Variants in HERPUD2 observed in about 807,000 individuals in gnomAD.
HERPUD2 encodes the protein HERPUD family member 2, also known as homocysteine-responsive endoplasmic reticulum-resident ubiquitin-like domain member 2 protein.
HERPUD2 carries 13 observed loss-of-function variants against 49.9 expected under a neutral mutation model. The observed-to-expected ratio is 0.26, with a 90% CI of 0.17 to 0.41. HERPUD2 has a LOEUF of 0.41. Ranked by LOEUF, HERPUD2 falls within the 10% of genes least tolerant of loss-of-function variation. The probability of loss-of-function intolerance (pLI) is 1.00; values close to 1 mark genes in which losing one functional copy is unlikely to be tolerated. For missense variants in HERPUD2, 449 were observed against 492.2 expected, an observed-to-expected ratio of 0.91 and a Z score of 0.83; for synonymous variants, 172 against 171.4, an observed-to-expected ratio of 1.00 and a Z score of -0.03.
intron 5 of HERPUD2, among the ~76,000 whole-genome samples, chr7:35,653,796 AT>A (rs1339927710): frequency 6.6e-6 from 1 of 152,214 alleles, no homozygotes; most frequent in East Asian, 1.9e-4. Context: ...ATTAAACAAC[AT>A]GCTCCTAAAT....
intron 5 of HERPUD2, among the ~76,000 whole-genome samples, chr7:35,644,894 G>C (rs1785027254): frequency 6.6e-6 from 1 of 152,112 alleles, no homozygotes; most frequent in Non-Finnish European, 1.5e-5. Flanking sequence ...GTGAATACTA[G>C]ATGATATTGA....
intron 2 of HERPUD2, among the ~76,000 whole-genome samples, chr7:35,692,317 T>A (rs28758525): frequency 2.0e-4 from 26 of 132,514 alleles, no homozygotes; most frequent in East Asian, 1.4e-3. Flanking sequence ...TACTTTTTTT[T>A]AAAAAAGCTT....
chr7:35,668,003 T>C (rs752502373), intron 4 of HERPUD2, among the ~76,000 whole-genome samples: 65 of 152,218 alleles, frequency 4.3e-4, no homozygotes, highest in Middle Eastern at 6.8e-3. Flanking sequence ...TTTAAACAGT[T>C]ACTATGTGCC....
chr7:35,658,371 A>C (rs73340314), intron 5 of HERPUD2, among the ~76,000 whole-genome samples: 4,438 of 152,214 alleles, frequency 0.029, 194 homozygotes, highest in African/African-American at 0.099. Context: ...GGAAGATGAA[A>C]AGTTGGTTAA....
chr7:35,636,750 A>G (rs1784876752), intron 6 of HERPUD2, among the ~76,000 whole-genome samples: 1 of 152,196 alleles, frequency 6.6e-6, no homozygotes, highest in African/African-American at 2.4e-5. Context: ...AGGAAGGACA[A>G]GGATGTAGAC....
At chr7:35,665,446 C>T (rs1023237297) in intron 5 of HERPUD2, among the ~76,000 whole-genome samples, 3 of 152,200 alleles carry the variant, frequency 2.0e-5, no homozygotes, top group East Asian at 3.9e-4. Flanking sequence ...CCTGGTGAGC[C>T]GTTTGCTAAG....
chr7:35,675,086 G>C (rs1785731694), intron 2 of HERPUD2, among the ~76,000 whole-genome samples: 1 of 152,120 alleles, frequency 6.6e-6, no homozygotes, highest in Non-Finnish European at 1.5e-5. Context: ...ATATGAAGGG[G>C]GGCAGTCTTG....
At chr7:35,682,345 GTGTGTGTGTGTGTATATATATA>G (rs1562686271) in intron 2 of HERPUD2, among the ~76,000 whole-genome samples, 30 of 28,206 alleles carry the variant, frequency 1.1e-3, no homozygotes, top group African/African-American at 3.2e-3. Flanking sequence ...GTGTGTGTGT[GTGTGTGTGTGTGTATATATATA>G]TATATATATA....
At chr7:35,661,809 G>C (rs1376188908) in intron 5 of HERPUD2, among the ~76,000 whole-genome samples, 1 of 152,152 alleles carries the variant, frequency 6.6e-6, no homozygotes, top group Non-Finnish European at 1.5e-5. Flanking sequence ...ATACAATCAT[G>C]TCATCTGCAA....
intron 2 of HERPUD2, among the ~76,000 whole-genome samples, chr7:35,674,097 T>C (rs117841210): frequency 0.011 from 1,603 of 152,084 alleles, 11 homozygotes; most frequent in Non-Finnish European, 0.018. Flanking sequence ...AAGTCACAAC[T>C]ATAACAATTT....
intron 5 of HERPUD2, among the ~76,000 whole-genome samples, chr7:35,663,640 C>CCATTACATA (rs1785476717): frequency 6.6e-6 from 1 of 152,206 alleles, no homozygotes; most frequent in African/African-American, 2.4e-5. Context: ...TGAATTGATC[C>CCATTACATA]CTTTACCATT....
At chr7:35,674,378 C>CATATATATATATATATATATAT (rs1562682656) in intron 2 of HERPUD2, among the ~76,000 whole-genome samples, 19 of 34,930 alleles carry the variant, frequency 5.4e-4, no homozygotes, top group Non-Finnish European at 9.3e-4. Flanking sequence ...AGTCTTACAA[C>CATATATATATATATATATATAT]CTATATATAT....
chr7:35,670,147 G>T, intron 4 of HERPUD2, 68 bp downstream of exon 4: 1 of 690,358 alleles, frequency 1.4e-6, no homozygotes, highest in South Asian at 2.5e-5. Flanking sequence ...AGTTTTTAGA[G>T]GCAAAAAATA....
At chr7:35,672,643 T>C (rs1332426856) in intron 3 of HERPUD2, among the ~76,000 whole-genome samples, 1 of 151,996 alleles carries the variant, frequency 6.6e-6, no homozygotes, top group Non-Finnish European at 1.5e-5. Context: ...AAGTATAAAT[T>C]CCACAAATGA....
chr7:35,664,703 G>GC (rs1282106186), intron 5 of HERPUD2, among the ~76,000 whole-genome samples: 2 of 152,114 alleles, frequency 1.3e-5, no homozygotes, highest in South Asian at 2.1e-4. Context: ...GCTTGTGCAT[G>GC]CATCACGTAG....
intron 2 of HERPUD2, among the ~76,000 whole-genome samples, chr7:35,678,896 T>C (rs1208970795): frequency 6.6e-6 from 1 of 152,122 alleles, no homozygotes; most frequent in East Asian, 1.9e-4. Flanking sequence ...CTAAGCAAGA[T>C]AGGGAAAAAA....
chr7:35,652,255 G>A (rs777450423), intron 5 of HERPUD2, among the ~76,000 whole-genome samples: 14 of 152,174 alleles, frequency 9.2e-5, no homozygotes, highest in East Asian at 3.8e-4. Flanking sequence ...GTTTTGCAGC[G>A]TTCTTCCTTT....
rs561654952 is a variant in HERPUD2 at position 35,681,865 on chromosome 7, A to G, written c.148-8587T>C. ...AAAAAAGAATGGGGAGTGACTGCCAATAGGTATGGAGTTTCTGGGGTGATG... is the reference window on the plus strand; with the variant it reads ...AAAAAAGAATGGGGAGTGACTGCCAGTAGGTATGGAGTTTCTGGGGTGATG... On this transcript the variant is annotated intron_variant, in intron 2 of 8. Coordinates refer to ENST00000311350, the MANE Select transcript of HERPUD2 (RefSeq NM_022373.5). 6.6e-5 allele frequency among the ~76,000 whole-genome samples: 10 copies of G among 152,306 alleles called. No homozygotes were observed. In the South Asian group the frequency reaches 2.1e-3, roughly 32 times the overall value.
intron 2 of HERPUD2, among the ~76,000 whole-genome samples, chr7:35,679,508 G>A (rs1420728148): frequency 6.6e-6 from 1 of 152,172 alleles, no homozygotes; most frequent in East Asian, 1.9e-4. Context: ...ACTTTTGAAA[G>A]GAGAAAGACA....
Sources: allele counts gnomAD v4.1 joint callset (sites outside exome capture counted in the v4.1 genomes callset), GRCh38; gene constraint gnomAD v4.1.1; transcripts MANE v1.5; gene names NCBI Gene and HGNC (gene_info 2026-07-23, HGNC 2026-07-21).